Variants in FAF2 observed in about 807,000 individuals in gnomAD.
The protein encoded by FAF2 is FAS-associated factor 2.
In FAF2, 9 loss-of-function variants were observed where a neutral mutation model predicts 62.3. The observed-to-expected ratio is 0.14, with a 90% CI of 0.09 to 0.25. The LOEUF (loss-of-function observed/expected upper bound fraction) is 0.25, where lower values mean the gene tolerates loss of function less well. FAF2 is among the 10% of genes least tolerant of loss of function. FAF2 has a pLI of 1.00. For missense variants in FAF2, 368 were observed against 556.2 expected, an observed-to-expected ratio of 0.66 and a Z score of 3.40; for synonymous variants, 202 against 198.0, an observed-to-expected ratio of 1.02 and a Z score of -0.17.
chr5:176,486,244 G>T, intron 2 of FAF2, 111 bp from the exon 3 acceptor site: 2 of 1,341,154 alleles, frequency 1.5e-6, no homozygotes, highest in South Asian at 1.4e-5. Context: ...TGACCTTTTG[G>T]TGTATTCATG....
chr5:176,474,042 G>A (rs1300291695), intron 1 of FAF2, among the ~76,000 whole-genome samples: 1 of 152,202 alleles, frequency 6.6e-6, no homozygotes, highest in East Asian at 1.9e-4. Context: ...TCTAGGCATT[G>A]GGTGTGCTTG....
At chr5:176,477,348 A>G (rs1045679890) in intron 1 of FAF2, among the ~76,000 whole-genome samples, 3 of 151,366 alleles carry the variant, frequency 2.0e-5, no homozygotes, top group East Asian at 1.9e-4. Context: ...CAGCCTCCCA[A>G]AGTGCTGGGA....
At chr5:176,467,302 C>T (rs1056119809) in intron 1 of FAF2, among the ~76,000 whole-genome samples, 3 of 151,866 alleles carry the variant, frequency 2.0e-5, no homozygotes, top group African/African-American at 7.3e-5. Flanking sequence ...TATCTCAAGC[C>T]ACCTTAGATG....
chr5:176,463,441 T>G (rs1758414999), intron 1 of FAF2, among the ~76,000 whole-genome samples: 1 of 152,056 alleles, frequency 6.6e-6, no homozygotes, highest in African/African-American at 2.4e-5. Flanking sequence ...AAAATCTAAT[T>G]GTATTACTTC....
chr5:176,467,117 GTTTTTTTTTTCC>G (rs1758482126), intron 1 of FAF2, among the ~76,000 whole-genome samples: 1 of 117,534 alleles, frequency 8.5e-6, no homozygotes, highest in Non-Finnish European at 1.7e-5. Context: ...CCCAATGGCT[GTTTTTTTTTTCC>G]TTTTTTTTTT....
At position 176,494,928 on chromosome 5, in the gene FAF2, C is replaced by A. The variant is rs1759036999; in HGVS notation, c.661+653C>A. Among the ~76,000 whole-genome samples, 1 of 152,178 alleles carries A rather than the reference C, an allele frequency of 6.6e-6. No individual in the cohort carries two copies. The highest frequency in any genetic ancestry group is 1.5e-5 in the Non-Finnish European group (1 of 68,030). On this transcript the variant is annotated intron_variant, in intron 7 of 10. Coordinates refer to ENST00000261942, the MANE Select transcript of FAF2 (RefSeq NM_014613.3). This position sits in a 1 kb window ranked among gnomAD's most constrained non-coding sequence, Gnocchi z 4.0. ...CACATTCAGCATTGCCAAAGCCTGC[C>A]ACATTCATAGAAATACCCAGTCTTG...
chr5:176,451,841 TACAC>T (rs1262878588), intron 1 of FAF2, among the ~76,000 whole-genome samples: 2 of 26,926 alleles, frequency 7.4e-5, no homozygotes, highest in Admixed American at 5.1e-4. Flanking sequence ...TATATATATA[TACAC>T]ACATATATAT....
chr5:176,462,548 C>T (rs1012913391), intron 1 of FAF2, among the ~76,000 whole-genome samples: 6 of 151,964 alleles, frequency 3.9e-5, no homozygotes, highest in African/African-American at 7.3e-5. Context: ...CACTCGAACC[C>T]GGGAGGCGGA....
chr5:176,506,543 G>A (rs7730599), intron 10 of FAF2, among the ~76,000 whole-genome samples: 1 of 152,168 alleles, frequency 6.6e-6, no homozygotes, highest in African/African-American at 2.4e-5. Flanking sequence ...TTCAGAGTAG[G>A]ACTAGTGTTG....
At chr5:176,480,780 A>G (rs916689038) in intron 2 of FAF2, among the ~76,000 whole-genome samples, 30 of 131,554 alleles carry the variant, frequency 2.3e-4, no homozygotes, top group Non-Finnish European at 3.4e-4. Context: ...GGAGGGGAAC[A>G]TCACACACGG....
At chr5:176,454,648 C>A (rs1387013207) in intron 1 of FAF2, among the ~76,000 whole-genome samples, 1 of 141,092 alleles carries the variant, frequency 7.1e-6, no homozygotes, top group East Asian at 2.1e-4. Flanking sequence ...TAGCAACATA[C>A]AATTGTATTT....
At chr5:176,478,497 G>T (rs1207893534) in intron 1 of FAF2, among the ~76,000 whole-genome samples, 1 of 152,066 alleles carries the variant, frequency 6.6e-6, no homozygotes, top group Admixed American at 6.5e-5. Context: ...AGTGGCGGGG[G>T]GTAGGGGGGT....
In FAF2 at chr5:176,496,635, A is replaced by G. The variant is rs138735701; in HGVS notation, c.811A>G (p.Thr271Ala). 1.1e-5 allele frequency: 17 copies of G among 1,601,968 alleles called. No individual in the cohort carries two copies. The highest frequency in any genetic ancestry group is 1.4e-5 in the Non-Finnish European group (16 of 1,174,642). The change falls in exon 8 of 11, where the codon ACT (threonine) becomes GCT (alanine). Residue 271 changes from threonine (T) to alanine (A), a missense_variant. Around this residue, in one of 2 missense-constraint regions of FAF2, gnomAD observed 331 missense variants for 441.9 expected, o/e 0.75. Transcript: ENST00000261942. ...GACATTTATCATGGATGCTAACCAG[A>G]CTTACCTGGTGTCAGAACGCCTAGA... Reference protein sequence around the residue: ...QLTFIMDANQTYLVSERLERE... With the variant: ...QLTFIMDANQAYLVSERLERE...
At chr5:176,452,524 A>T (rs1758206484) in intron 1 of FAF2, among the ~76,000 whole-genome samples, 1 of 152,238 alleles carries the variant, frequency 6.6e-6, no homozygotes, top group Admixed American at 6.5e-5. Context: ...AGGTAGTGGA[A>T]TTCTAGTGGG....
At chr5:176,493,896 C>T in intron 5 of FAF2, 103 bp from the exon 6 acceptor site, 3 of 760,566 alleles carry the variant, frequency 3.9e-6, no homozygotes, top group South Asian at 1.9e-5. Flanking sequence ...CTTATTTTTC[C>T]TTTTGTTCCT....
intron 1 of FAF2, among the ~76,000 whole-genome samples, chr5:176,478,724 C>T (rs1302287198): frequency 6.6e-6 from 1 of 152,172 alleles, no homozygotes; most frequent in Non-Finnish European, 1.5e-5. Flanking sequence ...ACTGAATGAG[C>T]ATCTCAAATC....
chr5:176,464,544 G>T (rs142882661), intron 1 of FAF2, among the ~76,000 whole-genome samples: 1 of 135,654 alleles, frequency 7.4e-6, no homozygotes, highest in Admixed American at 8.4e-5. Flanking sequence ...CTGGGCTGGA[G>T]TACAGTGGCA....
In FAF2 at chr5:176,496,259, A is replaced by G. The variant is rs374426132; in HGVS notation, c.662-227A>G. ...CTCAGGAGGCTGAGGTGGGAGGGTC[A>G]CTTGAGCCCAGGAGCTGGAGACCAG... is the stretch of plus-strand genomic sequence containing the variant. On this transcript the variant is annotated intron_variant, in intron 7 of 10. Transcript: ENST00000261942. Among the ~76,000 whole-genome samples the G allele has an allele frequency of 3.9e-5, 6 of 152,318 alleles. No individual in the cohort carries two copies. The South Asian group carries it at 6.2e-4, about 16-fold the overall frequency.
At chr5:176,459,525 T>TTTTG (rs1259705300) in intron 1 of FAF2, among the ~76,000 whole-genome samples, 1 of 152,050 alleles carries the variant, frequency 6.6e-6, no homozygotes, top group Admixed American at 6.6e-5. Context: ...TCAGCTTCTT[T>TTTTG]TTTGTTTGTT....
Sources: gnomAD v4.1 joint callset for allele counts (sites outside exome capture counted in the v4.1 genomes callset) on GRCh38, gnomAD v4.1.1 for gene constraint, gnomAD v4.1.1 regional missense constraint, Gnocchi (gnomAD v3.1) non-coding constraint, MANE v1.5 for transcripts, NCBI Gene and HGNC (gene_info 2026-07-23, HGNC 2026-07-21) for gene names.